The following GALNT13 variants were observed in gnomAD, a reference collection of about 807,000 sequenced individuals.
GALNT13 encodes UDP-GalNAc:polypeptide N-acetylgalactosaminyltransferase 13.
Under a neutral mutation model 64.2 loss-of-function variants are expected in GALNT13, and 28 were observed. That is an observed-to-expected ratio of 0.44 (90% confidence interval 0.32 to 0.60). GALNT13 has a LOEUF of 0.60. Ranked by LOEUF, GALNT13 falls within the 20% of genes least tolerant of loss-of-function variation. The pLI, the probability that GALNT13 is intolerant of heterozygous loss-of-function variation, is 0.05. For missense variants in GALNT13, 577 were observed against 669.8 expected (o/e 0.86, Z 1.53); for synonymous variants, 214 against 224.6 (o/e 0.95, Z 0.42).
At chr2:154,272,750 C>G (rs758491828) in intron 8 of GALNT13, among the ~76,000 whole-genome samples, 5 of 152,040 alleles carry the variant, frequency 3.3e-5, no homozygotes, top group Non-Finnish European at 7.4e-5. Context: ...TGAAATGTCC[C>G]TGAAATATTC....
the GALNT13 span, among the ~76,000 whole-genome samples, chr2:153,530,088 T>C: frequency 2.0e-5 from 3 of 152,076 alleles, no homozygotes; most frequent in African/African-American, 4.8e-5. Context: ...TGCATTCATA[T>C]TGGGAAGGAA....
the GALNT13 span, among the ~76,000 whole-genome samples, chr2:153,777,761 G>T: frequency 2.0e-5 from 3 of 152,132 alleles, no homozygotes; most frequent in Admixed American, 2.0e-4. Context: ...TCTAGGGGTG[G>T]ATGTTTACAG....
the GALNT13 span, among the ~76,000 whole-genome samples, chr2:153,280,569 C>T: frequency 4.6e-5 from 7 of 151,968 alleles, no homozygotes; most frequent in African/African-American, 7.2e-5. Flanking sequence ...GTCATGTCTT[C>T]GTTTTTATTT....
the GALNT13 span, among the ~76,000 whole-genome samples, chr2:153,138,934 T>C: frequency 6.6e-6 from 1 of 152,086 alleles, no homozygotes; most frequent in Admixed American, 6.6e-5. Context: ...TCTTTGCATA[T>C]CCAATTTACC....
chr2:154,291,597 G>T (rs1227360955), intron 8 of GALNT13, among the ~76,000 whole-genome samples: 2 of 152,172 alleles, frequency 1.3e-5, no homozygotes, highest in Admixed American at 6.5e-5. Flanking sequence ...CGCTGGGTGC[G>T]GGGCCCACCG....
intron 1 of GALNT13, among the ~76,000 whole-genome samples, chr2:153,888,919 G>C (rs997993541): frequency 2.0e-5 from 3 of 151,818 alleles, no homozygotes; most frequent in African/African-American, 7.3e-5. Flanking sequence ...TCAACACCAA[G>C]CACCTTGGAA....
chr2:153,325,114 GTTTTTTTTTTTTTT>G, the GALNT13 span, among the ~76,000 whole-genome samples: 35 of 72,680 alleles, frequency 4.8e-4, 1 homozygote, highest in African/African-American at 2.0e-3. Context: ...CTGGACCTGG[GTTTTTTTTTTTTTT>G]TTTTTTTTTT....
intron 3 of GALNT13, among the ~76,000 whole-genome samples, chr2:154,057,516 G>C (rs114670592): frequency 6.6e-6 from 1 of 152,024 alleles, no homozygotes; most frequent in Non-Finnish European, 1.5e-5. Flanking sequence ...TATAATAGCC[G>C]TTGCCCTGGA....
chr2:154,405,970 G>T (rs961514291), intron 10 of GALNT13, among the ~76,000 whole-genome samples: 13 of 152,160 alleles, frequency 8.5e-5, no homozygotes, highest in African/African-American at 3.1e-4. Context: ...TACTCTGGAA[G>T]TAAATGGAGT....
chr2:153,556,809 C>G, the GALNT13 span, among the ~76,000 whole-genome samples: 7 of 152,328 alleles, frequency 4.6e-5, no homozygotes, highest in East Asian at 1.2e-3. Context: ...CTGTTCTCTG[C>G]TGGATTCAAC....
At chr2:153,469,992 A>G in the GALNT13 span, among the ~76,000 whole-genome samples, 2 of 152,032 alleles carry the variant, frequency 1.3e-5, no homozygotes, top group Admixed American at 1.3e-4. Flanking sequence ...AACTCAACAC[A>G]GAGAACCTTG....
At chr2:154,212,236 G>T (rs1190291056) in intron 4 of GALNT13, among the ~76,000 whole-genome samples, 2 of 151,810 alleles carry the variant, frequency 1.3e-5, no homozygotes, top group East Asian at 1.9e-4. Flanking sequence ...GCGTTTTGAA[G>T]AAATTCAATC....
intron 3 of GALNT13, among the ~76,000 whole-genome samples, chr2:153,988,358 A>C (rs1473809272): frequency 6.6e-6 from 1 of 151,886 alleles, no homozygotes; most frequent in Non-Finnish European, 1.5e-5. Flanking sequence ...AGTAACCACC[A>C]TTCTACTTTC....
At chr2:154,411,486 A>G (rs1289114445) in intron 11 of GALNT13, among the ~76,000 whole-genome samples, 3 of 151,754 alleles carry the variant, frequency 2.0e-5, no homozygotes, top group African/African-American at 4.8e-5. Flanking sequence ...CATCAAAATG[A>G]CTGAGGGAGG....
At chr2:153,863,260 A>G in the GALNT13 span, among the ~76,000 whole-genome samples, 1 of 152,152 alleles carries the variant, frequency 6.6e-6, no homozygotes, top group Non-Finnish European at 1.5e-5. Flanking sequence ...TGAAAATCCA[A>G]TATGATTCTT....
At chr2:153,987,587 CT>C (rs1304015456) in intron 3 of GALNT13, among the ~76,000 whole-genome samples, 1 of 151,742 alleles carries the variant, frequency 6.6e-6, no homozygotes, top group African/African-American at 2.4e-5. Context: ...GGCATATTAA[CT>C]TATGAAAGAG....
chr2:153,245,612 C>T, the GALNT13 span, among the ~76,000 whole-genome samples: 62 of 152,222 alleles, frequency 4.1e-4, no homozygotes, highest in Admixed American at 3.2e-3. Flanking sequence ...AGACCTCCCC[C>T]CCTCCCAACA....
At chr2:153,923,509 AT>A (rs553206563) in intron 2 of GALNT13, among the ~76,000 whole-genome samples, 1 of 151,426 alleles carries the variant, frequency 6.6e-6, no homozygotes, top group African/African-American at 2.4e-5. Flanking sequence ...TTGGAATCTG[AT>A]TTTTTTTGTT....
At chr2:153,345,441 AGAATAATGTGTTCTCCTGAG>A in the GALNT13 span, among the ~76,000 whole-genome samples, 1 of 152,052 alleles carries the variant, frequency 6.6e-6, no homozygotes, top group African/African-American at 2.4e-5. Flanking sequence ...GCCTCTGAAG[AGAATAATGTGTTCTCCTGAG>A]GGGCAAAGGA....
Sources: allele counts gnomAD v4.1 joint callset (sites outside exome capture counted in the v4.1 genomes callset), GRCh38; gene constraint gnomAD v4.1.1; transcripts MANE v1.5; gene names NCBI Gene and HGNC (gene_info 2026-07-23, HGNC 2026-07-21).